NME7: variants seen among roughly 807,000 people sequenced by gnomAD.
The protein encoded by NME7 is NME/NM23 family member 7.
A neutral mutation model predicts 49.1 loss-of-function variants in NME7; 41 were observed. The observed-to-expected ratio is 0.83, with a 90% CI of 0.65 to 1.08. The LOEUF is 1.08. Among genes scored for constraint, NME7 ranks in the 50% least tolerant of loss-of-function variants. The pLI is 0.00. For synonymous variants in NME7, 139 were observed against 150.6 expected (o/e 0.92, Z 0.56); for missense variants, 423 against 463.4 (o/e 0.91, Z 0.80).
intron 10 of NME7, among the ~76,000 whole-genome samples, chr1:169,183,984 TG>T (rs1364730636): frequency 6.6e-6 from 1 of 152,006 alleles, no homozygotes; most frequent in Non-Finnish European, 1.5e-5. Context: ...TTTTTTCTCA[TG>T]GTCACATTAT....
intron 10 of NME7, among the ~76,000 whole-genome samples, chr1:169,198,835 G>A (rs1165747954): frequency 6.6e-6 from 1 of 152,050 alleles, no homozygotes; most frequent in Non-Finnish European, 1.5e-5. Context: ...AATCATATTG[G>A]TATGTGAATT....
chr1:169,323,757 G>A (rs980931360), intron 2 of NME7, among the ~76,000 whole-genome samples: 6 of 150,038 alleles, frequency 4.0e-5, no homozygotes, highest in Non-Finnish European at 8.9e-5. Flanking sequence ...TAATGAGGAC[G>A]TATTTATGAC....
intron 7 of NME7, among the ~76,000 whole-genome samples, chr1:169,272,809 C>T (rs1156788403): frequency 1.5e-5 from 2 of 132,452 alleles, no homozygotes; most frequent in African/African-American, 5.1e-5. Context: ...GGGTATATAC[C>T]CAGTAATGGC....
At chr1:169,148,217 G>C (rs1386937461) in intron 11 of NME7, among the ~76,000 whole-genome samples, 3 of 152,074 alleles carry the variant, frequency 2.0e-5, no homozygotes, top group African/African-American at 7.2e-5. Flanking sequence ...TGGCCAGACT[G>C]GTCTCAAACT....
At chr1:169,288,137 C>G (rs893516673) in intron 6 of NME7, among the ~76,000 whole-genome samples, 3 of 152,140 alleles carry the variant, frequency 2.0e-5, no homozygotes, top group South Asian at 4.1e-4. Flanking sequence ...CCTCAAATAC[C>G]ACTTTCCACT....
intron 1 of NME7, among the ~76,000 whole-genome samples, chr1:169,331,564 T>A (rs1469122452): frequency 6.6e-6 from 1 of 152,152 alleles, no homozygotes; most frequent in Non-Finnish European, 1.5e-5. Flanking sequence ...GATTTTATAT[T>A]TGGAAAAACC....
chr1:169,226,281 G>A (rs1012766650), intron 10 of NME7, among the ~76,000 whole-genome samples: 2 of 152,094 alleles, frequency 1.3e-5, no homozygotes, highest in Non-Finnish European at 2.9e-5. Context: ...TCTCTTCCTA[G>A]AGCTAGATCA....
chr1:169,287,452 C>T (rs779012079), intron 6 of NME7, 44 bp from the exon 7 acceptor site: 1 of 1,308,238 alleles, frequency 7.6e-7, no homozygotes, highest in African/African-American at 1.5e-5. Flanking sequence ...GATCTCTTAT[C>T]TTGAACTTAC....
intron 10 of NME7, among the ~76,000 whole-genome samples, chr1:169,186,490 T>C (rs887925900): frequency 6.6e-6 from 1 of 152,212 alleles, no homozygotes; most frequent in Admixed American, 6.5e-5. Context: ...GGTTTAGTCT[T>C]GGGAGGGTGT....
At chr1:169,143,273 C>CTTTT (rs71299493) in intron 11 of NME7, among the ~76,000 whole-genome samples, 47 of 98,208 alleles carry the variant, frequency 4.8e-4, no homozygotes, top group Middle Eastern at 6.0e-3. Context: ...TCACCTCAGG[C>CTTTT]TTTTTTTTTT....
intron 10 of NME7, among the ~76,000 whole-genome samples, chr1:169,188,081 C>A (rs1660123423): frequency 6.6e-6 from 1 of 152,176 alleles, no homozygotes; most frequent in African/African-American, 2.4e-5. Flanking sequence ...GGCCCCTACT[C>A]TCTTCTGGCT....
At chr1:169,153,811 AC>A (rs1371831275) in intron 11 of NME7, among the ~76,000 whole-genome samples, 1 of 150,308 alleles carries the variant, frequency 6.7e-6, no homozygotes, top group Non-Finnish European at 1.5e-5. Flanking sequence ...AGATCCTACC[AC>A]CTCAGCCTCC....
At chr1:169,317,573 A>C (rs1276561047) in intron 3 of NME7, among the ~76,000 whole-genome samples, 1 of 152,160 alleles carries the variant, frequency 6.6e-6, no homozygotes, top group African/African-American at 2.4e-5. Context: ...CTAAGGCATT[A>C]GGGTGCCCTT....
intron 10 of NME7, among the ~76,000 whole-genome samples, chr1:169,177,034 C>T (rs1391655622): frequency 6.6e-6 from 1 of 152,030 alleles, no homozygotes; most frequent in Non-Finnish European, 1.5e-5. Context: ...CACCCTGGAC[C>T]TGAAAGCAAG....
intron 7 of NME7, among the ~76,000 whole-genome samples, chr1:169,255,553 G>T: frequency 7.9e-6 from 1 of 126,520 alleles, no homozygotes; most frequent in South Asian, 2.5e-4. Flanking sequence ...GCAGAATTTA[G>T]TCCATTTACA....
intron 1 of NME7, among the ~76,000 whole-genome samples, chr1:169,333,421 T>C (rs918389278): frequency 6.6e-6 from 1 of 152,108 alleles, no homozygotes; most frequent in Non-Finnish European, 1.5e-5. Context: ...AGGGTGACTG[T>C]AGCCAATAAT....
chr1:169,241,347 C>T (rs1385865784), intron 7 of NME7, among the ~76,000 whole-genome samples: 1 of 151,878 alleles, frequency 6.6e-6, no homozygotes, highest in African/African-American at 2.4e-5. Context: ...TTTTGTTCAC[C>T]ATCGCTTTTG....
intron 10 of NME7, among the ~76,000 whole-genome samples, chr1:169,229,667 T>C (rs1647510257): frequency 1.3e-5 from 2 of 152,054 alleles, no homozygotes; most frequent in South Asian, 4.1e-4. Flanking sequence ...CATCTAAGGG[T>C]GTTCAATAAA....
At chr1:169,313,220 A>C (rs1410824540) in intron 3 of NME7, among the ~76,000 whole-genome samples, 3 of 151,854 alleles carry the variant, frequency 2.0e-5, no homozygotes, top group East Asian at 3.8e-4. Flanking sequence ...AAAAAAAAAA[A>C]AACAACCAAA....
Sources: allele counts gnomAD v4.1 joint callset (sites outside exome capture counted in the v4.1 genomes callset), GRCh38; gene constraint gnomAD v4.1.1; transcripts MANE v1.5; gene names NCBI Gene and HGNC (gene_info 2026-07-23, HGNC 2026-07-21).